Variants in GBE1 observed in about 807,000 individuals in gnomAD.
GBE1 encodes 1,4-alpha-glucan-branching enzyme.
In GBE1, 70 loss-of-function variants were observed where a neutral mutation model predicts 88.8. That is an observed-to-expected ratio of 0.79 (90% CI 0.65 to 0.96). The LOEUF (loss-of-function observed/expected upper bound fraction) is 0.96. GBE1 is among the 40% of genes least tolerant of loss of function. GBE1 has a pLI of 0.00. For missense variants in GBE1, 872 were observed against 871.0 expected, an observed-to-expected ratio of 1.00 and a Z score of -0.01; for synonymous variants, 284 against 300.1, an observed-to-expected ratio of 0.95 and a Z score of 0.56.
intron 7 of GBE1, among the ~76,000 whole-genome samples, chr3:81,608,533 A>G (rs939118068): frequency 2.6e-5 from 4 of 152,112 alleles, no homozygotes; most frequent in Non-Finnish European, 5.9e-5. Flanking sequence ...CGTTTGTGAT[A>G]TTTGCTATTT....
intron 7 of GBE1, among the ~76,000 whole-genome samples, chr3:81,600,717 T>C (rs1474742073): frequency 2.0e-5 from 3 of 152,108 alleles, no homozygotes; most frequent in Admixed American, 6.6e-5. Flanking sequence ...CTATAATGTA[T>C]ATAAAGATGC....
chr3:81,655,724 C>T (rs1281474414), intron 3 of GBE1, among the ~76,000 whole-genome samples: 2 of 151,752 alleles, frequency 1.3e-5, no homozygotes, highest in East Asian at 2.0e-4. Context: ...TTCACCATGT[C>T]GGCCAGGCTG....
chr3:81,576,297 G>A (rs1703646422), intron 12 of GBE1, among the ~76,000 whole-genome samples: 1 of 151,620 alleles, frequency 6.6e-6, no homozygotes. Context: ...CCTAAATTTA[G>A]GATATGACCA....
At chr3:81,501,523 C>T (rs560035574) in intron 14 of GBE1, among the ~76,000 whole-genome samples, 59 of 152,016 alleles carry the variant, frequency 3.9e-4, no homozygotes, top group African/African-American at 1.4e-3. Flanking sequence ...GTTCTGAACC[C>T]GTTCCTAACC....
intron 12 of GBE1, among the ~76,000 whole-genome samples, chr3:81,550,616 T>C (rs1703258805): frequency 6.6e-6 from 1 of 152,076 alleles, no homozygotes; most frequent in Admixed American, 6.6e-5. Context: ...AAGACACAGG[T>C]CATGAAGACC....
At chr3:81,741,150 A>C (rs1426376764) in intron 1 of GBE1, among the ~76,000 whole-genome samples, 1 of 152,190 alleles carries the variant, frequency 6.6e-6, no homozygotes, top group Non-Finnish European at 1.5e-5. Context: ...CGTCTATATA[A>C]AAACATCTTT....
Position 81,749,150 on chromosome 3 carries a change from T to C in GBE1, c.143+12225A>G, listed in dbSNP as rs540982022. On this transcript the variant is annotated intron_variant, in intron 1 of 15. Transcript: ENST00000429644. ...AACCTATACATAAATATTCATATCT[T>C]AGGTTTACTGTAATATTTGTAATAG... Among the ~76,000 whole-genome samples the C allele has an allele frequency of 5.7e-4, 87 of 152,338 alleles. 2 individuals carry two copies. In the South Asian group the frequency reaches 0.018, roughly 31 times the overall value.
intron 1 of GBE1, among the ~76,000 whole-genome samples, chr3:81,739,922 A>C (rs1339519263): frequency 6.6e-6 from 1 of 152,152 alleles, no homozygotes; most frequent in Non-Finnish European, 1.5e-5. Flanking sequence ...AGTCCATAAT[A>C]AACAATTAAA....
intron 14 of GBE1, among the ~76,000 whole-genome samples, chr3:81,505,492 C>A (rs1702640825): frequency 1.3e-5 from 2 of 152,060 alleles, no homozygotes; most frequent in Admixed American, 6.5e-5. Flanking sequence ...TTATTTATTG[C>A]TGGTTGTACT....
rs1703098025 is a variant in GBE1, at chr3:81,537,895, C to A, written c.1619-800G>T. Among the ~76,000 whole-genome samples the A allele has an allele frequency of 2.0e-5, 3 of 151,956 alleles. No homozygotes were observed. The South Asian group carries it at 6.2e-4, about 32-fold the overall frequency. On this transcript the variant is annotated intron_variant, in intron 12 of 15. Transcript: ENST00000429644. Reference sequence around the variant, plus strand: ...TCACTATAATGATCAGAACCAGAAACCCAATAAACTTAAAAATAAAATAAA... The same window carrying A: ...TCACTATAATGATCAGAACCAGAAAACCAATAAACTTAAAAATAAAATAAA...
intron 3 of GBE1, among the ~76,000 whole-genome samples, chr3:81,670,567 A>G (rs1576193482): frequency 6.6e-6 from 1 of 152,256 alleles, no homozygotes; most frequent in East Asian, 1.9e-4. Flanking sequence ...CAATTACTCA[A>G]AATCACTTTT....
At chr3:81,560,950 G>A (rs1405317970) in intron 12 of GBE1, among the ~76,000 whole-genome samples, 1 of 151,860 alleles carries the variant, frequency 6.6e-6, no homozygotes, top group Admixed American at 6.6e-5. Flanking sequence ...AAAAGCTATA[G>A]TATTATTTTT....
At position 81,539,579 on chromosome 3, in the gene GBE1, G is replaced by A. The variant is rs557858578; in HGVS notation, c.1619-2484C>T. Among the ~76,000 whole-genome samples, 11 of 152,108 alleles carry A rather than the reference G, an allele frequency of 7.2e-5. No individual in the cohort carries two copies. In the East Asian group the frequency reaches 1.9e-3, roughly 27 times the overall value. ...TAGGAAAACTGGTATGGAATCCAAT[G>A]TATAACAGATGATGAGATTCTGTGG... On this transcript the variant is annotated intron_variant, in intron 12 of 15. Transcript: ENST00000429644.
At chr3:81,532,320 A>T (rs916487495) in intron 14 of GBE1, among the ~76,000 whole-genome samples, 1 of 151,446 alleles carries the variant, frequency 6.6e-6, no homozygotes, top group Non-Finnish European at 1.5e-5. Flanking sequence ...TATATTTTCT[A>T]CTCCCGCAAC....
At chr3:81,612,344 A>T (rs1279973531) in intron 7 of GBE1, 1 of 820,818 alleles carries the variant, frequency 1.2e-6, no homozygotes, top group Non-Finnish European at 2.0e-6. Context: ...TTTCCATTTG[A>T]TTTCGGTGGA....
chr3:81,577,135 C>G (rs534255488), intron 12 of GBE1, among the ~76,000 whole-genome samples: 1 of 151,846 alleles, frequency 6.6e-6, no homozygotes, highest in Admixed American at 6.6e-5. Context: ...AGAGATGGGG[C>G]TTTTCCATAT....
At chr3:81,610,994 A>G (rs1251717422) in intron 7 of GBE1, among the ~76,000 whole-genome samples, 1 of 149,354 alleles carries the variant, frequency 6.7e-6, no homozygotes, top group Admixed American at 6.7e-5. Flanking sequence ...CCAGACATAT[A>G]CTGGGGCTTT....
At chr3:81,551,563 C>T (rs1472526019) in intron 12 of GBE1, among the ~76,000 whole-genome samples, 1 of 152,160 alleles carries the variant, frequency 6.6e-6, no homozygotes. Flanking sequence ...AACCATTTTC[C>T]TCTCATCTAC....
At chr3:81,697,495 T>A (rs1439134789) in intron 2 of GBE1, among the ~76,000 whole-genome samples, 1 of 152,024 alleles carries the variant, frequency 6.6e-6, no homozygotes, top group African/African-American at 2.4e-5. Context: ...GGAGACAGGA[T>A]TTCACCGTGT....
Sources: gnomAD v4.1 joint callset for allele counts (sites outside exome capture counted in the v4.1 genomes callset) on GRCh38, gnomAD v4.1.1 for gene constraint, MANE v1.5 for transcripts, NCBI Gene and HGNC (gene_info 2026-07-23, HGNC 2026-07-21) for gene names.